MYO1E: variants seen among roughly 807,000 people sequenced by gnomAD.
MYO1E encodes the protein unconventional myosin-Ie.
In MYO1E, 68 loss-of-function variants were observed where a neutral mutation model predicts 151.1. The ratio of observed to expected loss-of-function variants is 0.45; its 90% CI spans 0.37 to 0.55. The LOEUF is 0.55. MYO1E is among the 20% of genes least tolerant of loss of function. The pLI is 0.00. For missense variants in MYO1E, 1,363 were observed against 1,389.3 expected (o/e 0.98, Z 0.30); for synonymous variants, 601 against 501.7 (o/e 1.20, Z -2.64).
intron 1 of MYO1E, among the ~76,000 whole-genome samples, chr15:59,357,929 T>C (rs1391456406): frequency 6.6e-6 from 1 of 152,110 alleles, no homozygotes; most frequent in Admixed American, 6.5e-5. Flanking sequence ...TCAGCTGATA[T>C]AGGTGAGTGT....
intron 1 of MYO1E, among the ~76,000 whole-genome samples, chr15:59,317,741 C>T (rs2080598289): frequency 6.6e-6 from 1 of 152,094 alleles, no homozygotes; most frequent in Non-Finnish European, 1.5e-5. Context: ...TTGTCAGGGC[C>T]TAGGGGTGCT....
At chr15:59,338,212 T>C (rs1366911455) in intron 1 of MYO1E, among the ~76,000 whole-genome samples, 2 of 151,096 alleles carry the variant, frequency 1.3e-5, no homozygotes, top group Non-Finnish European at 2.9e-5. Flanking sequence ...TAGCTGTCTC[T>C]ACTTACAAAT....
intron 1 of MYO1E, among the ~76,000 whole-genome samples, chr15:59,355,557 T>C (rs1022774863): frequency 6.6e-6 from 1 of 152,242 alleles, no homozygotes; most frequent in East Asian, 1.9e-4. Flanking sequence ...AAAGATTTTA[T>C]GCGCACAGTT....
At chr15:59,275,355 A>G (rs1306720895) in intron 1 of MYO1E, among the ~76,000 whole-genome samples, 1 of 152,104 alleles carries the variant, frequency 6.6e-6, no homozygotes, top group African/African-American at 2.4e-5. Context: ...TTTTATATCC[A>G]ATAGGTCACA....
intron 4 of MYO1E, among the ~76,000 whole-genome samples, chr15:59,241,430 G>A (rs1234108269): frequency 3.3e-5 from 5 of 152,178 alleles, no homozygotes; most frequent in African/African-American, 9.7e-5. Context: ...AGTGGCTCAC[G>A]CCTATAATCC....
chr15:59,299,978 A>G (rs2080472394), intron 1 of MYO1E, among the ~76,000 whole-genome samples: 2 of 152,212 alleles, frequency 1.3e-5, no homozygotes, highest in East Asian at 1.9e-4. Flanking sequence ...CTATCTGGCA[A>G]AGGTTTTAAA....
At chr15:59,188,256 A>G (rs1208506429) in intron 17 of MYO1E, 40 bp from the exon 18 acceptor site, 39 of 1,524,364 alleles carry the variant, frequency 2.6e-5, no homozygotes, top group Non-Finnish European at 3.5e-5. Flanking sequence ...ATTACTGGAT[A>G]ATCCTTTCAC....
intron 1 of MYO1E, among the ~76,000 whole-genome samples, chr15:59,302,070 G>T (rs1257885214): frequency 1.3e-5 from 2 of 152,130 alleles, no homozygotes; most frequent in African/African-American, 4.8e-5. Context: ...TCTGTTGGAG[G>T]TAATAAGAAC....
At chr15:59,218,417 T>C in intron 9 of MYO1E, 3 of 429,240 alleles carry the variant, frequency 7.0e-6, no homozygotes, top group South Asian at 5.9e-5. Flanking sequence ...TGGACATCTC[T>C]CCAAGCTTCC....
intron 16 of MYO1E, among the ~76,000 whole-genome samples, chr15:59,200,602 T>C (rs149681820): frequency 3.9e-5 from 6 of 152,100 alleles, no homozygotes; most frequent in Middle Eastern, 3.4e-3. Context: ...CTAGGTGACA[T>C]TGTGACACCC....
At chr15:59,367,204 C>T (rs1190428265) in intron 1 of MYO1E, among the ~76,000 whole-genome samples, 1 of 152,104 alleles carries the variant, frequency 6.6e-6, no homozygotes, top group Non-Finnish European at 1.5e-5. Context: ...CATGAGGAAA[C>T]GCAAGGTACT....
At chr15:59,256,802 G>T (rs1198131652) in intron 3 of MYO1E, among the ~76,000 whole-genome samples, 1 of 152,152 alleles carries the variant, frequency 6.6e-6, no homozygotes, top group Non-Finnish European at 1.5e-5. Context: ...ACTTCTACCA[G>T]AATTCTAAAC....
chr15:59,217,994 T>C lies in MYO1E; in HGVS notation c.1004A>G (p.Lys335Arg). ...SRQMDSKWGG[K>R]SESIHVTLNV... is the part of the protein sequence containing the mutation. ...GAGGGTCACGTGGATGGATTCGGAT[T>C]TGCCTCCCCACTTGCTATCCATCTG... Residue 335 changes from lysine (K) to arginine (R), a missense_variant, in exon 10 of 28, where the codon AAA (lysine) becomes AGA (arginine). Transcript: ENST00000288235. The C allele has an allele frequency of 1.2e-6, 2 of 1,614,240 alleles. No individual in the cohort carries two copies. The highest frequency in any genetic ancestry group is 3.3e-5 in the Admixed American group (2 of 60,034).
chr15:59,263,816 G>C (rs1337961067), intron 2 of MYO1E, among the ~76,000 whole-genome samples: 1 of 152,122 alleles, frequency 6.6e-6, no homozygotes, highest in Non-Finnish European at 1.5e-5. Context: ...TTACTGAAGA[G>C]TTATGGAAGA....
In MYO1E at chr15:59,137,168, T is replaced by A. The variant is rs1318851153; in HGVS notation, c.*212A>T. On this transcript the variant is annotated 3_prime_UTR_variant, in exon 28 of 28. Transcript: ENST00000288235. The stretch of plus-strand genomic sequence containing the variant: ...GTGGTTTTGTCCTCCTGGGTTCCTA[T>A]GAAGAGGCTACCTTTTAGGATCACT... 3 of 589,974 alleles carry A rather than the reference T, an allele frequency of 5.1e-6. No homozygotes were observed. Among genetic ancestry groups the A allele is most frequent in the Non-Finnish European group, 9.1e-6 (3 of 329,850 alleles). The allele number at this position is 589,974 out of a possible 1,614,324, so 36.5% of individuals were successfully genotyped here. A position where few individuals can be genotyped will look rare whatever the true frequency, so the allele number is the denominator to read the frequency against.
chr15:59,230,253 T>C (rs867464998), intron 6 of MYO1E, among the ~76,000 whole-genome samples: 13 of 151,204 alleles, frequency 8.6e-5, no homozygotes, highest in Middle Eastern at 3.4e-3. Flanking sequence ...TGTGTGTGTG[T>C]GCAGGTGAAT....
intron 1 of MYO1E, among the ~76,000 whole-genome samples, chr15:59,342,043 T>C (rs1433620196): frequency 6.6e-6 from 1 of 152,226 alleles, no homozygotes; most frequent in African/African-American, 2.4e-5. Context: ...GCATTCATTA[T>C]TGCCCGTCTT....
chr15:59,163,459 CAATG>C (rs1219407398), intron 22 of MYO1E, among the ~76,000 whole-genome samples, 156 bp from the exon 23 acceptor site: 2 of 151,762 alleles, frequency 1.3e-5, no homozygotes, highest in African/African-American at 4.8e-5. Context: ...AAACCAACAA[CAATG>C]AATTACATAA....
chr15:59,292,793 C>A (rs2080427499), intron 1 of MYO1E, among the ~76,000 whole-genome samples: 2 of 152,240 alleles, frequency 1.3e-5, no homozygotes, highest in Admixed American at 1.3e-4. Context: ...TCTTTCTTAT[C>A]TGAACATAGC....
Sources: allele counts gnomAD v4.1 joint callset (sites outside exome capture counted in the v4.1 genomes callset), GRCh38; gene constraint gnomAD v4.1.1; transcripts MANE v1.5; gene names NCBI Gene and HGNC (gene_info 2026-07-23, HGNC 2026-07-21).